MCF2L2: variants seen among roughly 807,000 people sequenced by gnomAD.
MCF2L2 encodes the protein MCF.2 cell line derived transforming sequence-like 2, also known as probable guanine nucleotide exchange factor MCF2L2.
MCF2L2 carries 102 observed loss-of-function variants against 150.2 expected under a neutral mutation model. That is an observed-to-expected ratio of 0.68 (90% CI 0.58 to 0.80). MCF2L2 has a LOEUF of 0.80. Among genes scored for constraint, MCF2L2 ranks in the 30% least tolerant of loss-of-function variants. MCF2L2 has a pLI of 0.00. For synonymous variants in MCF2L2, 465 were observed against 491.3 expected, an observed-to-expected ratio of 0.95 and a Z score of 0.71; for missense variants, 1,256 against 1,372.8, an observed-to-expected ratio of 0.91 and a Z score of 1.34.
At chr3:183,262,014 GAATA>G (rs1296259865) in intron 15 of MCF2L2, among the ~76,000 whole-genome samples, 1 of 129,326 alleles carries the variant, frequency 7.7e-6, no homozygotes, top group Non-Finnish European at 1.6e-5. Context: ...ATATATATAT[GAATA>G]TTTATTAATA....
intron 1 of MCF2L2, among the ~76,000 whole-genome samples, chr3:183,398,842 G>T (rs1714598572): frequency 6.6e-6 from 1 of 152,024 alleles, no homozygotes; most frequent in Non-Finnish European, 1.5e-5. Context: ...CTGTTGTCTT[G>T]AGTCACAGAA....
chr3:183,183,819 A>G (rs890907513), intron 27 of MCF2L2, among the ~76,000 whole-genome samples: 1 of 152,102 alleles, frequency 6.6e-6, no homozygotes, highest in Non-Finnish European at 1.5e-5. Context: ...TATTACTTAC[A>G]TTTCAGGGAG....
intron 1 of MCF2L2, among the ~76,000 whole-genome samples, chr3:183,392,645 G>A (rs943830730): frequency 5.3e-5 from 8 of 152,162 alleles, no homozygotes; most frequent in African/African-American, 1.9e-4. Flanking sequence ...ACCCAACCTG[G>A]CCAGCTGCAA....
chr3:183,242,649 C>T (rs770965830), intron 15 of MCF2L2, among the ~76,000 whole-genome samples: 1 of 152,182 alleles, frequency 6.6e-6, no homozygotes, highest in African/African-American at 2.4e-5. Flanking sequence ...GTGGGGCCCT[C>T]ATGGAGAATC....
chr3:183,357,719 G>A (rs915607506), intron 3 of MCF2L2, among the ~76,000 whole-genome samples: 1 of 152,140 alleles, frequency 6.6e-6, no homozygotes, highest in Admixed American at 6.5e-5. Context: ...AAAATGGCAT[G>A]TGTACAGGCC....
chr3:183,342,518 G>T (rs1162785704), intron 3 of MCF2L2, among the ~76,000 whole-genome samples: 1 of 152,080 alleles, frequency 6.6e-6, no homozygotes, highest in Non-Finnish European at 1.5e-5. Context: ...CTTTTTGGGG[G>T]TTGAGGGGTA....
At chr3:183,279,251 C>CTT (rs35251024) in intron 14 of MCF2L2, among the ~76,000 whole-genome samples, 3 of 147,894 alleles carry the variant, frequency 2.0e-5, no homozygotes, top group African/African-American at 5.0e-5. Context: ...TTTTTTATTT[C>CTT]TTTTTTTTTT....
intron 25 of MCF2L2, among the ~76,000 whole-genome samples, chr3:183,201,603 C>G (rs149753479): frequency 0.021 from 3,185 of 152,210 alleles, 114 homozygotes; most frequent in African/African-American, 0.074. Flanking sequence ...TTTCCTAATT[C>G]AATACCCTTT....
At position 183,270,627 on chromosome 3, in the gene MCF2L2, T is replaced by C. The variant is rs770531165; in HGVS notation, c.1862+6245A>G. 1 of 1,614,138 alleles carries C rather than the reference T, an allele frequency of 6.2e-7. No homozygotes were observed. Among genetic ancestry groups the C allele is most frequent in the Non-Finnish European group, 8.5e-7 (1 of 1,180,032 alleles). Reference sequence around the variant, plus strand: ...CTATGAGGCATCACAGACACTAAATTCAAGTCTTTACATAGACGATGTGTT... The same window carrying C: ...CTATGAGGCATCACAGACACTAAATCCAAGTCTTTACATAGACGATGTGTT... On this transcript the variant is annotated intron_variant, in intron 15 of 29. Coordinates refer to ENST00000328913, the MANE Select transcript of MCF2L2 (RefSeq NM_015078.4). This position sits in a 1 kb window ranked among gnomAD's most constrained non-coding sequence, Gnocchi z 4.5.
intron 27 of MCF2L2, among the ~76,000 whole-genome samples, chr3:183,188,926 C>T (rs750982850): frequency 1.3e-5 from 2 of 152,152 alleles, no homozygotes; most frequent in Admixed American, 6.5e-5. Context: ...CCTGATGGTG[C>T]CGTTGCACTC....
intron 1 of MCF2L2, among the ~76,000 whole-genome samples, chr3:183,426,787 A>G (rs943715416): frequency 3.3e-5 from 5 of 152,232 alleles, no homozygotes; most frequent in Non-Finnish European, 5.9e-5. Flanking sequence ...TTTTGTCGTA[A>G]AAGTTCAGTG....
chr3:183,193,579 G>C (rs927022023), intron 26 of MCF2L2, among the ~76,000 whole-genome samples: 1 of 152,082 alleles, frequency 6.6e-6, no homozygotes, highest in Non-Finnish European at 1.5e-5. Flanking sequence ...TTGATCTCTT[G>C]ACCTTGTGAT....
In MCF2L2 at chr3:183,305,261, C is replaced by T. The variant is rs1428182972; in HGVS notation, c.1113+4455G>A. 6.6e-6 allele frequency among the ~76,000 whole-genome samples: 1 copy of T among 151,868 alleles called. No individual in the cohort carries two copies. The highest frequency in any genetic ancestry group is 2.4e-5 in the African/African-American group (1 of 41,288). On this transcript the variant is annotated intron_variant, in intron 10 of 29. Transcript: ENST00000328913. This position sits in a 1 kb window ranked among gnomAD's most constrained non-coding sequence, Gnocchi z 4.1. Reference sequence around the variant, plus strand: ...AACTTAGAGACCTCATTTGGTTGCTCGAACTTGTCTGACTTTAGTCAAATA... The same window carrying T: ...AACTTAGAGACCTCATTTGGTTGCTTGAACTTGTCTGACTTTAGTCAAATA...
At chr3:183,403,908 G>A (rs958763501) in intron 1 of MCF2L2, among the ~76,000 whole-genome samples, 1 of 152,052 alleles carries the variant, frequency 6.6e-6, no homozygotes, top group African/African-American at 2.4e-5. Flanking sequence ...ATCTTGAAAC[G>A]GACAGGGGGA....
At chr3:183,315,926 C>T (rs571206239) in intron 7 of MCF2L2, among the ~76,000 whole-genome samples, 2 of 152,350 alleles carry the variant, frequency 1.3e-5, no homozygotes, top group East Asian at 3.9e-4. Flanking sequence ...CATCCCGGTG[C>T]TTCTGCTCTT....
intron 14 of MCF2L2, among the ~76,000 whole-genome samples, chr3:183,278,566 T>C (rs1450774606): frequency 6.6e-6 from 1 of 152,222 alleles, no homozygotes; most frequent in African/African-American, 2.4e-5. Flanking sequence ...TATGCCTGAA[T>C]TCCCCACTGG....
At chr3:183,393,432 A>T (rs1330525073) in intron 1 of MCF2L2, among the ~76,000 whole-genome samples, 1 of 152,040 alleles carries the variant, frequency 6.6e-6, no homozygotes, top group African/African-American at 2.4e-5. Flanking sequence ...ACCTCAGGTG[A>T]TCCACCCACC....
At chr3:183,396,894 AG>A (rs1280061280) in intron 1 of MCF2L2, among the ~76,000 whole-genome samples, 1 of 152,220 alleles carries the variant, frequency 6.6e-6, no homozygotes, top group Non-Finnish European at 1.5e-5. Flanking sequence ...CCACAAGCCA[AG>A]AAATAGCTAC....
intron 15 of MCF2L2, chr3:183,269,915 T>C (rs761160843): frequency 2.5e-6 from 4 of 1,614,046 alleles, no homozygotes; most frequent in Non-Finnish European, 3.4e-6. Context: ...ATAATCACAT[T>C]GTGAGCCATA....
Sources: gnomAD v4.1 joint callset for allele counts (sites outside exome capture counted in the v4.1 genomes callset) on GRCh38, gnomAD v4.1.1 for gene constraint, Gnocchi (gnomAD v3.1) non-coding constraint, MANE v1.5 for transcripts, NCBI Gene and HGNC (gene_info 2026-07-23, HGNC 2026-07-21) for gene names.